PRKAG2: variants seen among roughly 807,000 people sequenced by gnomAD.
The protein encoded by PRKAG2 is protein kinase AMP-activated non-catalytic subunit gamma 2, also known as 5'-AMP-activated protein kinase subunit gamma-2.
Under a neutral mutation model 69.6 loss-of-function variants are expected in PRKAG2, and 26 were observed. The ratio of observed to expected loss-of-function variants is 0.37; its 90% CI spans 0.27 to 0.52. The LOEUF (loss-of-function observed/expected upper bound fraction) is 0.52, where lower values mean the gene tolerates loss of function less well. PRKAG2 is among the 20% of genes least tolerant of loss of function. PRKAG2 has a pLI of 0.90. For synonymous variants in PRKAG2, 293 were observed against 285.0 expected (o/e 1.03, Z -0.28); for missense variants, 557 against 740.0 (o/e 0.75, Z 2.87).
At chr7:151,598,789 T>G (rs1363142215) in intron 5 of PRKAG2, among the ~76,000 whole-genome samples, 1 of 152,056 alleles carries the variant, frequency 6.6e-6, no homozygotes, top group Non-Finnish European at 1.5e-5. Flanking sequence ...TGTGGACAAA[T>G]ATACAAATGC....
intron 3 of PRKAG2, among the ~76,000 whole-genome samples, chr7:151,686,466 C>G (rs1770012161): frequency 6.6e-6 from 1 of 152,146 alleles, no homozygotes; most frequent in Admixed American, 6.5e-5. Flanking sequence ...ATGACTCTCC[C>G]TGCAGCCAAG....
Position 151,603,709 on chromosome 7 carries a change from G to T in PRKAG2, c.755-8255C>A, listed in dbSNP as rs73730211. On this transcript the variant is annotated intron_variant, in intron 5 of 15. Transcript: ENST00000287878. Reference sequence around the variant, plus strand: ...CCTATCCAGGGTGCCTAAAATCAACGTGACTCATCACCTTAATCACCTGAG... The same window carrying T: ...CCTATCCAGGGTGCCTAAAATCAACTTGACTCATCACCTTAATCACCTGAG... Among the ~76,000 whole-genome samples, 57 of 152,044 alleles carry T rather than the reference G, an allele frequency of 3.7e-4. 1 individual carries two copies. The highest frequency in any genetic ancestry group is 1.4e-3 in the African/African-American group (56 of 41,378).
At chr7:151,578,756 C>A (rs1273454727) in intron 6 of PRKAG2, among the ~76,000 whole-genome samples, 1 of 152,140 alleles carries the variant, frequency 6.6e-6, no homozygotes, top group East Asian at 1.9e-4. Flanking sequence ...CTGAAACACA[C>A]CTTTATCAAA....
chr7:151,602,580 A>G (rs1423051190), intron 5 of PRKAG2, among the ~76,000 whole-genome samples: 2 of 152,212 alleles, frequency 1.3e-5, no homozygotes, highest in East Asian at 3.8e-4. Flanking sequence ...TTGAATAAAT[A>G]TATGTTCCAG....
chr7:151,752,361 C>T (rs1299279993), intron 3 of PRKAG2, among the ~76,000 whole-genome samples: 6 of 151,800 alleles, frequency 4.0e-5, no homozygotes, highest in East Asian at 1.9e-4. Flanking sequence ...TAAGAACTTA[C>T]GAACACAAAG....
chr7:151,805,508 C>T (rs926179217), intron 1 of PRKAG2, among the ~76,000 whole-genome samples: 3 of 152,128 alleles, frequency 2.0e-5, no homozygotes, highest in Admixed American at 1.3e-4. Context: ...TGTTATGTAG[C>T]AATAGGTGAT....
chr7:151,703,384 A>G (rs530382895), intron 3 of PRKAG2, among the ~76,000 whole-genome samples: 1 of 152,330 alleles, frequency 6.6e-6, no homozygotes, highest in African/African-American at 2.4e-5. Context: ...CTGCCCAGAT[A>G]GCAGCGATTC....
chr7:151,559,499 T>C (rs1804452909), intron 15 of PRKAG2: 10 of 982,522 alleles, frequency 1.0e-5, no homozygotes, highest in Non-Finnish European at 1.2e-5. Flanking sequence ...TTCTAGTAAA[T>C]TCCAGGTGGT....
At chr7:151,822,938 T>C (rs2078823123) in intron 1 of PRKAG2, among the ~76,000 whole-genome samples, 1 of 152,212 alleles carries the variant, frequency 6.6e-6, no homozygotes, top group South Asian at 2.1e-4. Flanking sequence ...CTAATCAGCC[T>C]GGGGAAGCTG....
intron 8 of PRKAG2, 127 bp downstream of exon 8, chr7:151,574,764 A>G: frequency 3.0e-6 from 4 of 1,350,946 alleles, no homozygotes; most frequent in Non-Finnish European, 4.0e-6. Context: ...GAAAATCACC[A>G]TCAGCACACC....
At chr7:151,725,124 AG>A (rs1797722993) in intron 3 of PRKAG2, among the ~76,000 whole-genome samples, 1 of 152,130 alleles carries the variant, frequency 6.6e-6, no homozygotes, top group African/African-American at 2.4e-5. Flanking sequence ...TACAAAGAGC[AG>A]GCGAGAAGCA....
At position 151,650,221 on chromosome 7, in the gene PRKAG2, A is replaced by C. The variant is rs139479298; in HGVS notation, c.685-18083T>G. On this transcript the variant is annotated intron_variant, in intron 4 of 15. Coordinates refer to ENST00000287878, the MANE Select transcript of PRKAG2 (RefSeq NM_016203.4). ...CAGAGTGAGAGAGCCTGTCTCAACA[A>C]AAAAGTTTAAGAGAAAAATGGTAAT... Among the ~76,000 whole-genome samples, 24 of 152,164 alleles carry C rather than the reference A, an allele frequency of 1.6e-4. No homozygotes were observed. The East Asian group carries it at 4.4e-3, about 28-fold the overall frequency.
intron 3 of PRKAG2, among the ~76,000 whole-genome samples, chr7:151,710,533 C>G (rs1375245802): frequency 6.6e-6 from 1 of 152,218 alleles, no homozygotes; most frequent in Non-Finnish European, 1.5e-5. Context: ...GCAGCCCCTT[C>G]AGGGCCCGTG....
intron 2 of PRKAG2, among the ~76,000 whole-genome samples, chr7:151,785,179 A>G (rs1037224976): frequency 1.3e-5 from 2 of 152,248 alleles, no homozygotes; most frequent in African/African-American, 4.8e-5. Flanking sequence ...AGCTCTGCCT[A>G]TGGGGCCATT....
At chr7:151,590,654 C>T (rs1812851732) in intron 6 of PRKAG2, among the ~76,000 whole-genome samples, 1 of 152,250 alleles carries the variant, frequency 6.6e-6, no homozygotes, top group Non-Finnish European at 1.5e-5. Flanking sequence ...ACCCTTGCCA[C>T]CCCTTGACCT....
At chr7:151,748,471 T>C (rs17173258) in intron 3 of PRKAG2, among the ~76,000 whole-genome samples, 37,967 of 152,010 alleles carry the variant, frequency 0.25, 4,870 homozygotes, top group Admixed American at 0.29. Context: ...TCCATTTTAA[T>C]AGGACGTCAA....
chr7:151,628,877 G>T (rs1422369095), intron 5 of PRKAG2, among the ~76,000 whole-genome samples: 2 of 152,176 alleles, frequency 1.3e-5, no homozygotes, highest in African/African-American at 4.8e-5. Context: ...AGAGAAAGGT[G>T]AATGCCAGAG....
intron 6 of PRKAG2, among the ~76,000 whole-genome samples, chr7:151,582,625 G>A (rs911013072): frequency 5.3e-5 from 8 of 152,202 alleles, no homozygotes; most frequent in African/African-American, 1.7e-4. Flanking sequence ...TCTTGTCAAC[G>A]AGCTAAGGTG....
chr7:151,564,385 T>C (rs1012194495), intron 13 of PRKAG2, 161 bp from the exon 14 acceptor site: 9 of 678,830 alleles, frequency 1.3e-5, no homozygotes, highest in Non-Finnish European at 2.0e-5. Context: ...CGACATGCCA[T>C]TGCTACTGTT....
Sources: allele counts gnomAD v4.1 joint callset (sites outside exome capture counted in the v4.1 genomes callset), GRCh38; gene constraint gnomAD v4.1.1; transcripts MANE v1.5; gene names NCBI Gene and HGNC (gene_info 2026-07-23, HGNC 2026-07-21).